The following ATP2C2 variants were observed in gnomAD, a reference collection of about 807,000 sequenced individuals.
ATP2C2 encodes calcium-transporting ATPase type 2C member 2.
A neutral mutation model predicts 110.8 loss-of-function variants in ATP2C2; 171 were observed. The observed-to-expected ratio is 1.54, with a 90% CI of 1.36 to 1.75. ATP2C2 has a LOEUF of 1.75. Ranked by LOEUF, ATP2C2 falls within the 40% of genes most tolerant of loss-of-function variation. The probability of loss-of-function intolerance (pLI) is 0.00; values close to 1 mark genes in which losing one functional copy is unlikely to be tolerated. For synonymous variants in ATP2C2, 804 were observed against 508.4 expected, an observed-to-expected ratio of 1.58 and a Z score of -7.82; for missense variants, 1,963 against 1,235.0, an observed-to-expected ratio of 1.59 and a Z score of -8.84.
intron 6 of ATP2C2, among the ~76,000 whole-genome samples, chr16:84,411,462 G>C (rs889249253): frequency 7.2e-5 from 11 of 152,246 alleles, no homozygotes; most frequent in African/African-American, 2.6e-4. Context: ...TGTTTTTTAA[G>C]ATAGAGTCTT....
At chr16:84,404,669 A>T in intron 2 of ATP2C2, 1 of 327,842 alleles carries the variant, frequency 3.1e-6, no homozygotes, top group Non-Finnish European at 5.9e-6. Context: ...TTGTACAAAC[A>T]TCTCTTGGAG....
chr16:84,451,011 T>C (rs1261755234), intron 17 of ATP2C2, among the ~76,000 whole-genome samples: 1 of 151,974 alleles, frequency 6.6e-6, no homozygotes, highest in Non-Finnish European at 1.5e-5. Context: ...CCATGAGTGG[T>C]GTATTAGTTT....
Position 84,440,857 on chromosome 16 carries a change from G to T in ATP2C2, c.1210G>T (p.Val404Phe), listed in dbSNP as rs1198281306. 7.4e-6 allele frequency: 12 copies of T among 1,612,168 alleles called. No homozygotes were observed. The highest frequency in any genetic ancestry group is 1.0e-5 in the Non-Finnish European group (12 of 1,179,232). The part of the protein sequence containing the change: ...LVTSDGLRAE[V>F]SGVGYDGQGT... The stretch of plus-strand genomic sequence containing the variant: ...CCCTTTCTTCTGCCTCGCCCTGCAG[G>T]TCAGCGGAGTTGGGTATGACGGTCA... The change falls in exon 14 of 27, where the codon GTC becomes TTC. Residue 404 changes from valine (V) to phenylalanine (F), a missense_variant and splice_region_variant. Coordinates refer to ENST00000262429, the MANE Select transcript of ATP2C2 (RefSeq NM_014861.4).
chr16:84,381,749 C>T lies in ATP2C2; in HGVS notation c.99+13035C>T, dbSNP rs544856234. Among the ~76,000 whole-genome samples the T allele has an allele frequency of 3.0e-4, 45 of 152,260 alleles. 1 individual carries two copies. In the South Asian group the frequency reaches 8.3e-3, roughly 28 times the overall value. Reference sequence around the variant, plus strand: ...GTAGGCATTCGTATTTAACCCGTTTCCTGCCGACAGTTAGTTGGTTTCCTT... The same window carrying T: ...GTAGGCATTCGTATTTAACCCGTTTTCTGCCGACAGTTAGTTGGTTTCCTT... On this transcript the variant is annotated intron_variant, in intron 1 of 26. Coordinates refer to ENST00000262429, the MANE Select transcript of ATP2C2 (RefSeq NM_014861.4).
chr16:84,404,828 T>TAAAA, intron 2 of ATP2C2: 1 of 340,930 alleles, frequency 2.9e-6, no homozygotes. Context: ...TTTTTTTTTT[T>TAAAA]TAAGAAGAAA....
intron 16 of ATP2C2, among the ~76,000 whole-genome samples, chr16:84,448,150 G>T (rs1437700243): frequency 6.6e-6 from 1 of 152,088 alleles, no homozygotes; most frequent in Non-Finnish European, 1.5e-5. Context: ...ACTTGGTGCT[G>T]CCCTAGGGAG....
At chr16:84,380,000 G>C (rs1910483351) in intron 1 of ATP2C2, among the ~76,000 whole-genome samples, 1 of 152,170 alleles carries the variant, frequency 6.6e-6, no homozygotes, top group South Asian at 2.1e-4. Flanking sequence ...AGAGAACTAA[G>C]CCTTGCATTT....
chr16:84,375,470 G>T (rs185827980), intron 1 of ATP2C2, among the ~76,000 whole-genome samples: 30 of 151,952 alleles, frequency 2.0e-4, no homozygotes, highest in Non-Finnish European at 3.8e-4. Context: ...GAATCGGGGA[G>T]GCACATGTTG....
At chr16:84,461,412 G>C (rs1911324125) in intron 24 of ATP2C2, 3 of 524,822 alleles carry the variant, frequency 5.7e-6, no homozygotes, top group Admixed American at 3.4e-5. Context: ...CTTCACTCTG[G>C]GTTTAACTGG....
chr16:84,460,372 G>C (rs1475955039), intron 23 of ATP2C2: 1 of 491,980 alleles, frequency 2.0e-6, no homozygotes, highest in Non-Finnish European at 3.7e-6. Context: ...CGGGGTGATG[G>C]AGATCATCTG....
chr16:84,391,545 GCAGA>G (rs1904663428), intron 1 of ATP2C2, among the ~76,000 whole-genome samples: 1 of 152,226 alleles, frequency 6.6e-6, no homozygotes, highest in Non-Finnish European at 1.5e-5. Flanking sequence ...TATAAGAAAA[GCAGA>G]CAGAGACGCT....
At chr16:84,452,124 A>C (rs891497525) in intron 18 of ATP2C2, 33 bp downstream of exon 18, 5 of 1,612,434 alleles carry the variant, frequency 3.1e-6, no homozygotes, top group Non-Finnish European at 4.2e-6. Context: ...TGAGGACGAA[A>C]GGACCCATCC....
At chr16:84,393,114 GT>G (rs1904758595) in intron 1 of ATP2C2, among the ~76,000 whole-genome samples, 1 of 152,194 alleles carries the variant, frequency 6.6e-6, no homozygotes, top group Non-Finnish European at 1.5e-5. Flanking sequence ...AAGTGAGTGT[GT>G]GTTTGGGGTT....
At chr16:84,386,841 T>C (rs6564025) in intron 1 of ATP2C2, among the ~76,000 whole-genome samples, 151,369 of 152,286 alleles carry the variant, frequency 0.99, 75,230 homozygotes, top group Middle Eastern at 1. Context: ...TGGGGGTAGC[T>C]AGACCAGGCC....
In ATP2C2 at chr16:84,453,415, G is replaced by A. The variant is rs752825895; in HGVS notation, c.1980+44G>A. 1.4e-5 allele frequency: 23 copies of A among 1,610,904 alleles called. 1 individual carries two copies. In the South Asian group the frequency reaches 2.4e-4, roughly 17 times the overall value. On this transcript the variant is annotated intron_variant, in intron 20 of 26. Transcript: ENST00000262429. ...GCACAGGCTGCGCTGCTGGGGCCGG[G>A]CCAGAGACACTGTGGCTCGAGGAGC...
At chr16:84,461,411 G>A (rs1018042810) in intron 24 of ATP2C2, 6 of 522,976 alleles carry the variant, frequency 1.1e-5, no homozygotes, top group East Asian at 3.3e-5. Flanking sequence ...CCTTCACTCT[G>A]GGTTTAACTG....
At chr16:84,391,795 T>TA (rs1211013857) in intron 1 of ATP2C2, among the ~76,000 whole-genome samples, 1 of 152,172 alleles carries the variant, frequency 6.6e-6, no homozygotes, top group Non-Finnish European at 1.5e-5. Context: ...GGTTGTTTGT[T>TA]ACAGCCGTGG....
intron 1 of ATP2C2, among the ~76,000 whole-genome samples, chr16:84,379,909 G>T (rs991238247): frequency 1.3e-5 from 2 of 152,184 alleles, no homozygotes; most frequent in Non-Finnish European, 2.9e-5. Flanking sequence ...GTATGGCCTG[G>T]GTGTGGGGGA....
intron 1 of ATP2C2, among the ~76,000 whole-genome samples, chr16:84,377,624 A>G (rs2151396702): frequency 6.6e-6 from 1 of 152,146 alleles, no homozygotes; most frequent in African/African-American, 2.4e-5. Flanking sequence ...TTAAGGCCCC[A>G]CCAATGACAT....
Sources: allele counts gnomAD v4.1 joint callset (sites outside exome capture counted in the v4.1 genomes callset), GRCh38; gene constraint gnomAD v4.1.1; transcripts MANE v1.5; gene names NCBI Gene and HGNC (gene_info 2026-07-23, HGNC 2026-07-21).